The following RAI14 variants were observed in gnomAD, a reference collection of about 807,000 sequenced individuals.
RAI14 encodes retinoic acid induced 14.
RAI14 carries 45 observed loss-of-function variants against 115.4 expected under a neutral mutation model. The ratio of observed to expected loss-of-function variants is 0.39; its 90% CI spans 0.31 to 0.50. The LOEUF (loss-of-function observed/expected upper bound fraction) is 0.50. Among genes scored for constraint, RAI14 ranks in the 20% least tolerant of loss-of-function variants. The probability of loss-of-function intolerance (pLI) is 0.85; values close to 1 mark genes in which losing one functional copy is unlikely to be tolerated. For missense variants in RAI14, 939 were observed against 1,131.2 expected (o/e 0.83, Z 2.44); for synonymous variants, 371 against 415.4 (o/e 0.89, Z 1.30).
intron 6 of RAI14, 49 bp from the exon 7 acceptor site, chr5:34,808,535 G>T: frequency 2.6e-6 from 4 of 1,540,196 alleles, no homozygotes; most frequent in Non-Finnish European, 2.7e-6. Context: ...ACCCCTGGTT[G>T]TGAATAACTG....
intron 2 of RAI14, among the ~76,000 whole-genome samples, chr5:34,731,798 CTG>C (rs1744219205): frequency 6.6e-6 from 1 of 152,266 alleles, no homozygotes; most frequent in Non-Finnish European, 1.5e-5. Flanking sequence ...GTTGAAAACA[CTG>C]TGCTTGCACT....
At chr5:34,735,799 T>G (rs1744787231) in intron 2 of RAI14, among the ~76,000 whole-genome samples, 1 of 152,254 alleles carries the variant, frequency 6.6e-6, no homozygotes, top group South Asian at 2.1e-4. Flanking sequence ...AGTTTTAGCA[T>G]GCAGAGAAAT....
At chr5:34,685,006 C>G (rs546214896) in intron 1 of RAI14, 1 of 94,172 alleles carries the variant, frequency 1.1e-5, no homozygotes, top group African/African-American at 4.4e-5. Context: ...CCTTTTTGAC[C>G]TAAGTGTATT....
rs555861247 is a variant in RAI14 at position 34,767,298 on chromosome 5, G to C, written c.167+9700G>C. Among the ~76,000 whole-genome samples the C allele has an allele frequency of 3.9e-5, 6 of 152,234 alleles. No individual in the cohort carries two copies. The East Asian group carries it at 1.2e-3, about 29-fold the overall frequency. On this transcript the variant is annotated intron_variant, in intron 3 of 17. Transcript: ENST00000265109. ...CTCTCTCTGTTCCCTCCACTGGCTG[G>C]ACCTGCCCCAAATGCAGAGGTCAGG...
chr5:34,661,497 A>T (rs1742684863), intron 1 of RAI14, among the ~76,000 whole-genome samples: 1 of 152,066 alleles, frequency 6.6e-6, no homozygotes, highest in Non-Finnish European at 1.5e-5. Context: ...TGGTGCTGGT[A>T]TGTGCACCAT....
At chr5:34,667,573 GA>G (rs1266454717) in intron 1 of RAI14, among the ~76,000 whole-genome samples, 1 of 151,670 alleles carries the variant, frequency 6.6e-6, no homozygotes, top group Non-Finnish European at 1.5e-5. Context: ...TTTTGCATTG[GA>G]AAAAAACTAT....
chr5:34,687,376 G>A (rs1737973765), intron 2 of RAI14, among the ~76,000 whole-genome samples: 1 of 152,116 alleles, frequency 6.6e-6, no homozygotes, highest in African/African-American at 2.4e-5. Flanking sequence ...TTTAGGAAAC[G>A]TGTTCAACTC....
rs1300285189 is a variant in RAI14, at chr5:34,805,044, A to G, written c.321+1268A>G. Among the ~76,000 whole-genome samples, 9 of 152,296 alleles carry G rather than the reference A, an allele frequency of 5.9e-5. No homozygotes were observed. In the East Asian group the frequency reaches 1.7e-3, roughly 29 times the overall value. ...TGTAATCTTATATCTGGTTATGCAAATGGATTGGTTTTTCTTCGGAATCTT... is the reference window on the plus strand; with the variant it reads ...TGTAATCTTATATCTGGTTATGCAAGTGGATTGGTTTTTCTTCGGAATCTT... On this transcript the variant is annotated intron_variant, in intron 5 of 17. Transcript: ENST00000265109.
intron 2 of RAI14, among the ~76,000 whole-genome samples, chr5:34,691,667 G>T (rs191825550): frequency 1.3e-5 from 2 of 152,306 alleles, no homozygotes; most frequent in African/African-American, 2.4e-5. Flanking sequence ...CTTGAGAAAT[G>T]CCACTCAAAC....
At chr5:34,760,605 T>C (rs1219694764) in intron 3 of RAI14, among the ~76,000 whole-genome samples, 1 of 152,210 alleles carries the variant, frequency 6.6e-6, no homozygotes, top group Non-Finnish European at 1.5e-5. Context: ...TTGTCCAAGA[T>C]AGTACTTACT....
chr5:34,685,654 A>G (rs938126334), intron 1 of RAI14: 1 of 152,006 alleles, frequency 6.6e-6, no homozygotes, highest in African/African-American at 2.4e-5. Flanking sequence ...CTCATCATGA[A>G]TAGGCTTTGT....
At position 34,813,625 on chromosome 5, in the gene RAI14, C is replaced by T. The variant is rs1380064059; in HGVS notation, c.817C>T (p.Arg273Cys). ...SSERSGTPKK[R>C]KAPPPPISPT... ...AGAAAGAAGTGGAACTCCAAAAAAACGCAAAGCTCCACCACCTCCTATCAG... is the reference window on the plus strand; with the variant it reads ...AGAAAGAAGTGGAACTCCAAAAAAATGCAAAGCTCCACCACCTCCTATCAG... The change falls in exon 11 of 18, where the codon CGC (arginine) becomes TGC (cysteine). Residue 273 changes from arginine to cysteine, a missense_variant. Physicochemically the swap from Arg to Cys is radical, Grantham distance 180. Coordinates refer to ENST00000265109, the MANE Select transcript of RAI14 (RefSeq NM_015577.3). 3.1e-6 allele frequency: 5 copies of T among 1,613,478 alleles called. No homozygotes were observed. The highest frequency in any genetic ancestry group is 2.2e-5 in the East Asian group (1 of 44,852).
chr5:34,746,075 C>G (rs576657895), intron 2 of RAI14, among the ~76,000 whole-genome samples: 5 of 120,426 alleles, frequency 4.2e-5, no homozygotes, highest in Middle Eastern at 4.2e-3. Context: ...ACCTCCTCCC[C>G]TTATACACCA....
chr5:34,781,981 T>A (rs189592352), intron 3 of RAI14, among the ~76,000 whole-genome samples: 2 of 152,310 alleles, frequency 1.3e-5, no homozygotes, highest in East Asian at 3.9e-4. Flanking sequence ...ATGGGAAATA[T>A]AGGGATGGGC....
intron 3 of RAI14, among the ~76,000 whole-genome samples, chr5:34,764,802 G>A (rs1367071548): frequency 6.6e-6 from 1 of 152,028 alleles, no homozygotes; most frequent in Non-Finnish European, 1.5e-5. Context: ...CAAAATTGAT[G>A]AGAATAGATT....
intron 3 of RAI14, among the ~76,000 whole-genome samples, chr5:34,785,172 G>A (rs1752148149): frequency 6.6e-6 from 1 of 152,092 alleles, no homozygotes; most frequent in Admixed American, 6.5e-5. Context: ...TTACTTAGCG[G>A]CCACTGTTCT....
At chr5:34,711,557 C>T (rs1004303410) in intron 2 of RAI14, among the ~76,000 whole-genome samples, 4 of 152,186 alleles carry the variant, frequency 2.6e-5, no homozygotes, top group African/African-American at 9.7e-5. Context: ...ACAGGGGATG[C>T]GATGGCTTGG....
At chr5:34,792,938 G>T (rs1753098457) in intron 3 of RAI14, among the ~76,000 whole-genome samples, 1 of 152,080 alleles carries the variant, frequency 6.6e-6, no homozygotes, top group Non-Finnish European at 1.5e-5. Flanking sequence ...ATAATAGTTG[G>T]AAAGTCCCCA....
chr5:34,677,124 A>G (rs1744034186), intron 1 of RAI14, among the ~76,000 whole-genome samples: 2 of 95,282 alleles, frequency 2.1e-5, no homozygotes, highest in Admixed American at 1.1e-4. Context: ...TGAGGTTAGT[A>G]TATTCCTTGT....
Sources: allele counts gnomAD v4.1 joint callset (sites outside exome capture counted in the v4.1 genomes callset), GRCh38; gene constraint gnomAD v4.1.1; transcripts MANE v1.5; gene names NCBI Gene and HGNC (gene_info 2026-07-23, HGNC 2026-07-21).